The following WWC1 variants were observed in gnomAD, a reference collection of about 807,000 sequenced individuals.
WWC1 encodes WW and C2 domain containing 1, also known as protein KIBRA.
Under a neutral mutation model 138.4 loss-of-function variants are expected in WWC1, and 55 were observed. The observed-to-expected ratio is 0.40, with a 90% CI of 0.32 to 0.50. The LOEUF is 0.50. Among genes scored for constraint, WWC1 ranks in the 20% least tolerant of loss-of-function variants. WWC1 has a pLI of 0.72. For missense variants in WWC1, 1,226 were observed against 1,420.4 expected, an observed-to-expected ratio of 0.86 and a Z score of 2.20; for synonymous variants, 524 against 564.9, an observed-to-expected ratio of 0.93 and a Z score of 1.03.
chr5:168,389,818 T>C (rs1427386727), intron 3 of WWC1, among the ~76,000 whole-genome samples: 1 of 152,054 alleles, frequency 6.6e-6, no homozygotes, highest in Admixed American at 6.6e-5. Context: ...AGCTGTGTAT[T>C]TTAGGGTGTT....
intron 1 of WWC1, among the ~76,000 whole-genome samples, chr5:168,314,902 C>T (rs961476452): frequency 3.3e-5 from 5 of 152,202 alleles, no homozygotes; most frequent in Admixed American, 6.5e-5. Context: ...CCTCGCCAGG[C>T]CCTGGCTCAC....
At position 168,292,069 on chromosome 5, in the gene WWC1, C is replaced by T. The variant is rs1169317801; in HGVS notation, c.-84C>T. The T allele has an allele frequency of 3.6e-6, 5 of 1,379,374 alleles. No homozygotes were observed. The African/African-American group carries it at 6.2e-5, about 17-fold the overall frequency. 85.4% of individuals were successfully genotyped at this position (1,379,374 alleles called of 1,614,324 possible). ...GGATCATGGTGCCTCGGCGGCCGCC[C>T]GGGCTAAGAGCGGCCGGCTGGAGCC... On this transcript the variant is annotated 5_prime_UTR_variant, in exon 1 of 23. Coordinates refer to ENST00000265293, the MANE Select transcript of WWC1 (RefSeq NM_015238.3). This position sits in a 1 kb window ranked among gnomAD's most constrained non-coding sequence, Gnocchi z 4.4.
chr5:168,333,492 C>T (rs895691167), intron 1 of WWC1, among the ~76,000 whole-genome samples: 1 of 152,194 alleles, frequency 6.6e-6, no homozygotes, highest in African/African-American at 2.4e-5. Context: ...GTGACTTCTT[C>T]TCCCAGACAA....
chr5:168,352,989 G>A (rs936681042), intron 1 of WWC1, among the ~76,000 whole-genome samples: 4 of 152,184 alleles, frequency 2.6e-5, no homozygotes, highest in African/African-American at 9.7e-5. Flanking sequence ...CTATTGCATA[G>A]TAATACCCTG....
intron 1 of WWC1, among the ~76,000 whole-genome samples, chr5:168,366,940 A>G (rs1776343522): frequency 1.7e-4 from 26 of 149,434 alleles, no homozygotes; most frequent in Admixed American, 9.4e-4. Context: ...TGGGATTACA[A>G]GTGCCTGCCA....
chr5:168,388,848 CA>C (rs1468768857), intron 3 of WWC1, among the ~76,000 whole-genome samples: 2 of 150,638 alleles, frequency 1.3e-5, no homozygotes, highest in Non-Finnish European at 3.0e-5. Context: ...AAACAAAAAA[CA>C]AAAACAAATA....
chr5:168,384,283 A>G (rs755802271), intron 2 of WWC1, among the ~76,000 whole-genome samples: 2 of 152,236 alleles, frequency 1.3e-5, no homozygotes, highest in Non-Finnish European at 2.9e-5. Context: ...AGAAGTGAAC[A>G]TATGTAAAGT....
rs60746695 is a variant in WWC1 at position 168,446,232 on chromosome 5, T to TAAAA, written c.2525+1673_2525+1676dup. On this transcript the variant is annotated intron_variant, in intron 17 of 22. Transcript: ENST00000265293. ...AAGCCTGAGCCTTCTCTCCCATTAT[T>TAAAA]AAAAAAAAAAAAAAAAAAAAAAAAA... Among the ~76,000 whole-genome samples, 155 of 58,768 alleles carry TAAAA rather than the reference T, an allele frequency of 2.6e-3. 6 individuals carry two copies. Among genetic ancestry groups the TAAAA allele is most frequent in the African/African-American group, 0.01 (137 of 13,438 alleles). 38.6% of individuals were successfully genotyped at this position (58,768 alleles called of 152,430 possible).
At chr5:168,455,636 C>A in intron 19 of WWC1, 116 bp downstream of exon 19, 1 of 1,287,746 alleles carries the variant, frequency 7.8e-7, no homozygotes, top group Non-Finnish European at 1.1e-6. Context: ...TATGTTAACA[C>A]CTCAGAGCCT....
At chr5:168,320,473 T>C (rs1771972561) in intron 1 of WWC1, among the ~76,000 whole-genome samples, 2 of 152,206 alleles carry the variant, frequency 1.3e-5, no homozygotes, top group African/African-American at 4.8e-5. Flanking sequence ...ACTTGGTGAC[T>C]TTGAGTCAGT....
At chr5:168,459,275 G>A (rs199548293) in intron 19 of WWC1, among the ~76,000 whole-genome samples, 15,962 of 121,936 alleles carry the variant, frequency 0.13, 1,094 homozygotes, top group Non-Finnish European at 0.18. Flanking sequence ...AAAAAAAAAA[G>A]AAAGAAAGAA....
At chr5:168,339,959 CT>C (rs1773886014) in intron 1 of WWC1, among the ~76,000 whole-genome samples, 3 of 91,778 alleles carry the variant, frequency 3.3e-5, no homozygotes, top group African/African-American at 2.0e-4. Context: ...CCCTCTCCCT[CT>C]CTCTCTCTGT....
At chr5:168,318,397 A>G (rs80004863) in intron 1 of WWC1, among the ~76,000 whole-genome samples, 8,158 of 152,178 alleles carry the variant, frequency 0.054, 696 homozygotes, top group African/African-American at 0.18. Flanking sequence ...TGTTAACTAC[A>G]TTCATATTGT....
At chr5:168,321,556 C>T (rs1297082873) in intron 1 of WWC1, among the ~76,000 whole-genome samples, 3 of 140,354 alleles carry the variant, frequency 2.1e-5, no homozygotes, top group Admixed American at 7.3e-5. Flanking sequence ...TTTTTTGAGA[C>T]GAAGTTTCAC....
chr5:168,375,426 A>G (rs1448900181), intron 2 of WWC1, among the ~76,000 whole-genome samples: 2 of 152,166 alleles, frequency 1.3e-5, no homozygotes, highest in African/African-American at 2.4e-5. Flanking sequence ...AAACCAATAG[A>G]TTTAGCAACC....
chr5:168,369,720 T>A (rs562865765), intron 1 of WWC1, among the ~76,000 whole-genome samples: 104 of 152,218 alleles, frequency 6.8e-4, no homozygotes, highest in African/African-American at 2.4e-3. Context: ...AGACCCTGGG[T>A]ATATAGTGGT....
intron 3 of WWC1, among the ~76,000 whole-genome samples, chr5:168,395,129 G>A (rs1778796320): frequency 6.6e-6 from 1 of 152,194 alleles, no homozygotes; most frequent in South Asian, 2.1e-4. Context: ...TGGCGTGACT[G>A]GTCTACACAG....
At chr5:168,428,269 A>C (rs1781668963) in intron 12 of WWC1, 128 bp downstream of exon 12, 1 of 863,452 alleles carries the variant, frequency 1.2e-6, no homozygotes, top group Non-Finnish European at 1.8e-6. Context: ...CCAAGAGGGC[A>C]TGACCCCACC....
chr5:168,438,922 A>G (rs1478702784), intron 15 of WWC1, among the ~76,000 whole-genome samples: 1 of 152,134 alleles, frequency 6.6e-6, no homozygotes, highest in Admixed American at 6.5e-5. Flanking sequence ...AATTCAAAGA[A>G]AAATTGTATG....
Sources: gnomAD v4.1 joint callset for allele counts (sites outside exome capture counted in the v4.1 genomes callset) on GRCh38, gnomAD v4.1.1 for gene constraint, Gnocchi (gnomAD v3.1) non-coding constraint, MANE v1.5 for transcripts, NCBI Gene and HGNC (gene_info 2026-07-23, HGNC 2026-07-21) for gene names.